The following CIRSR variants were observed in gnomAD, a reference collection of about 807,000 sequenced individuals.
The protein encoded by CIRSR is CBF1 (RBPJ) interacting corepressor 1.
At chr2:174,350,680 TTTGG>T in the CIRSR span, 3 of 1,606,436 alleles carry the variant, frequency 1.9e-6, no homozygotes, top group Non-Finnish European at 2.6e-6. Context: ...TCTGTTTTTG[TTTGG>T]TTGTTAGTGA....
At chr2:174,375,374 G>C in the CIRSR span, among the ~76,000 whole-genome samples, 2 of 152,194 alleles carry the variant, frequency 1.3e-5, no homozygotes, top group African/African-American at 4.8e-5. Context: ...GTGGGAGGCT[G>C]AGGTGGGATG....
chr2:174,395,188 T>G, the CIRSR span, among the ~76,000 whole-genome samples: 1 of 152,166 alleles, frequency 6.6e-6, no homozygotes, highest in East Asian at 1.9e-4. Flanking sequence ...ACGGGGAGGC[T>G]TCTTTGTACA....
the CIRSR span, among the ~76,000 whole-genome samples, chr2:174,383,447 C>T: frequency 3.0e-4 from 45 of 152,152 alleles, no homozygotes; most frequent in African/African-American, 1.0e-3. Context: ...CAGCTGGGCA[C>T]GGGGGCTCAC....
the CIRSR span, among the ~76,000 whole-genome samples, chr2:174,385,500 G>A: frequency 2.6e-5 from 4 of 152,172 alleles, no homozygotes; most frequent in South Asian, 2.1e-4. Context: ...TGCTCAGATC[G>A]TGGTTTCTAA....
the CIRSR span, among the ~76,000 whole-genome samples, chr2:174,365,169 A>C: frequency 6.6e-6 from 1 of 152,138 alleles, no homozygotes; most frequent in African/African-American, 2.4e-5. Context: ...AACTTCCACA[A>C]ATCTCTAGGG....
At chr2:174,360,587 T>C in the CIRSR span, among the ~76,000 whole-genome samples, 10 of 152,214 alleles carry the variant, frequency 6.6e-5, no homozygotes, top group African/African-American at 2.4e-5. Context: ...CTTGAGTAGA[T>C]GAAATGATGG....
the CIRSR span, chr2:174,351,941 G>T: frequency 1.0e-4 from 41 of 393,486 alleles, no homozygotes; most frequent in Non-Finnish European, 1.3e-4. Context: ...CGTGCAAGGG[G>T]AGTCTTCTTA....
the CIRSR span, chr2:174,387,885 G>T: frequency 1.0e-6 from 1 of 961,152 alleles, no homozygotes; most frequent in Non-Finnish European, 1.5e-6. Context: ...TAAAGCAGGA[G>T]TGCCCAATCT....
the CIRSR span, among the ~76,000 whole-genome samples, chr2:174,383,576 C>T: frequency 9.9e-5 from 15 of 151,496 alleles, no homozygotes; most frequent in Admixed American, 2.6e-4. Flanking sequence ...AAAAATTAGC[C>T]GGGCGTGGTG....
At chr2:174,370,464 T>C in the CIRSR span, among the ~76,000 whole-genome samples, 1 of 152,232 alleles carries the variant, frequency 6.6e-6, no homozygotes. Context: ...ACTTAATAGA[T>C]AGAATTTTGC....
the CIRSR span, among the ~76,000 whole-genome samples, chr2:174,371,063 T>C: frequency 1.3e-5 from 2 of 152,192 alleles, no homozygotes; most frequent in African/African-American, 4.8e-5. Flanking sequence ...TGATTCTATT[T>C]ATATAAAAAG....
the CIRSR span, among the ~76,000 whole-genome samples, chr2:174,394,579 T>A: frequency 1.3e-5 from 2 of 152,156 alleles, no homozygotes; most frequent in East Asian, 1.9e-4. Context: ...ACCAAAGAGC[T>A]TTCAAGGTGT....
At chr2:174,378,844 C>T in the CIRSR span, 35 of 1,061,244 alleles carry the variant, frequency 3.3e-5, no homozygotes, top group Admixed American at 5.8e-4. Context: ...TAAAACAATA[C>T]CCAGAAAGAG....
the CIRSR span, among the ~76,000 whole-genome samples, chr2:174,373,913 C>T: frequency 6.6e-6 from 1 of 152,064 alleles, no homozygotes; most frequent in East Asian, 1.9e-4. Flanking sequence ...TCTTCCATGG[C>T]ATTAATTTTG....
At chr2:174,384,065 G>T in the CIRSR span, among the ~76,000 whole-genome samples, 1 of 152,120 alleles carries the variant, frequency 6.6e-6, no homozygotes, top group Admixed American at 6.5e-5. Context: ...ACTTGACCAG[G>T]TATTTCTATG....
the CIRSR span, among the ~76,000 whole-genome samples, chr2:174,381,004 AATTAAT>A: frequency 6.6e-6 from 1 of 152,226 alleles, no homozygotes; most frequent in Non-Finnish European, 1.5e-5. Context: ...ACAAAATTAA[AATTAAT>A]AAGTATGTTA....
At chr2:174,356,412 G>A in the CIRSR span, among the ~76,000 whole-genome samples, 1 of 151,942 alleles carries the variant, frequency 6.6e-6, no homozygotes, top group Admixed American at 6.6e-5. Context: ...AGGGTGCAGT[G>A]AGCCTGTGAT....
the CIRSR span, among the ~76,000 whole-genome samples, chr2:174,391,254 A>C: frequency 6.6e-6 from 1 of 152,240 alleles, no homozygotes; most frequent in Non-Finnish European, 1.5e-5. Flanking sequence ...AAACAGGGCA[A>C]GATATAACTG....
At chr2:174,355,396 G>C in the CIRSR span, among the ~76,000 whole-genome samples, 1 of 152,170 alleles carries the variant, frequency 6.6e-6, no homozygotes, top group East Asian at 1.9e-4. Context: ...GTTCTAAAAT[G>C]CAGATTTGTG....
Sources: gnomAD v4.1 joint callset for allele counts (sites outside exome capture counted in the v4.1 genomes callset) on GRCh38, gnomAD v4.1.1 for gene constraint, MANE v1.5 for transcripts, NCBI Gene and HGNC (gene_info 2026-07-23, HGNC 2026-07-21) for gene names.